CAP2: variants seen among roughly 807,000 people sequenced by gnomAD.
CAP2 encodes adenylyl cyclase-associated protein 2.
A neutral mutation model predicts 57.7 loss-of-function variants in CAP2; 24 were observed. The ratio of observed to expected loss-of-function variants is 0.42; its 90% CI spans 0.30 to 0.58. CAP2 has a LOEUF of 0.58. Ranked by LOEUF, CAP2 falls within the 20% of genes least tolerant of loss-of-function variation. The probability of loss-of-function intolerance (pLI) is 0.22; values close to 1 mark genes in which losing one functional copy is unlikely to be tolerated. For synonymous variants in CAP2, 194 were observed against 207.2 expected (o/e 0.94, Z 0.55); for missense variants, 501 against 590.3 (o/e 0.85, Z 1.57).
chr6:17,471,293 T>C (rs1258089103), intron 4 of CAP2, among the ~76,000 whole-genome samples: 1 of 152,248 alleles, frequency 6.6e-6, no homozygotes, highest in Non-Finnish European at 1.5e-5. Flanking sequence ...TGCTAAGTTC[T>C]GTTGTCAAGG....
chr6:17,510,680 A>G (rs1031668089), intron 6 of CAP2, among the ~76,000 whole-genome samples: 2 of 152,226 alleles, frequency 1.3e-5, no homozygotes, highest in African/African-American at 4.8e-5. Context: ...TAAAAATAAC[A>G]TTTCAGAAAA....
intron 12 of CAP2, among the ~76,000 whole-genome samples, chr6:17,551,940 A>G (rs1005628436): frequency 1.4e-4 from 21 of 152,214 alleles, no homozygotes; most frequent in African/African-American, 4.3e-4. Flanking sequence ...AGAAGGAGAA[A>G]TAAATACTTA....
At chr6:17,491,912 T>G in intron 4 of CAP2, among the ~76,000 whole-genome samples, 1 of 152,226 alleles carries the variant, frequency 6.6e-6, no homozygotes, top group East Asian at 1.9e-4. Flanking sequence ...AAGATGATAG[T>G]CATCCCACAG....
rs140322142 is a variant in CAP2, at chr6:17,517,603, T to A, written c.636+3649T>A. On this transcript the variant is annotated intron_variant, in intron 7 of 12. Coordinates refer to ENST00000229922, the MANE Select transcript of CAP2 (RefSeq NM_006366.3). ...CACTAGTGAGTCATATCTCACATTT[T>A]TTAAAATGTGTTATAAGCTAGGTGT... Among the ~76,000 whole-genome samples, 744 of 152,292 alleles carry A rather than the reference T, an allele frequency of 4.9e-3. 7 individuals are homozygous for A. Among genetic ancestry groups the A allele is most frequent in the African/African-American group, 0.017 (690 of 41,544 alleles).
At chr6:17,476,231 A>G (rs1166314629) in intron 4 of CAP2, among the ~76,000 whole-genome samples, 1 of 152,216 alleles carries the variant, frequency 6.6e-6, no homozygotes, top group African/African-American at 2.4e-5. Context: ...TACAGTGTTT[A>G]CGTTGATTAT....
At chr6:17,411,884 G>A (rs1759149788) in intron 1 of CAP2, among the ~76,000 whole-genome samples, 2 of 152,262 alleles carry the variant, frequency 1.3e-5, no homozygotes, top group South Asian at 4.2e-4. Context: ...GCAACGTGGG[G>A]ACACAGAAAT....
intron 4 of CAP2, among the ~76,000 whole-genome samples, chr6:17,490,624 G>A (rs954555775): frequency 2.0e-5 from 3 of 152,232 alleles, no homozygotes; most frequent in Non-Finnish European, 4.4e-5. Context: ...GCCTTTGCGG[G>A]CAGAGGTCCT....
chr6:17,448,435 T>C (rs1426011254), intron 3 of CAP2, among the ~76,000 whole-genome samples: 1 of 152,266 alleles, frequency 6.6e-6, no homozygotes, highest in Admixed American at 6.5e-5. Context: ...TGCAGTTTAT[T>C]CAGGAGAATG....
At chr6:17,528,997 C>CGAGG (rs1762572203) in intron 7 of CAP2, among the ~76,000 whole-genome samples, 1 of 152,004 alleles carries the variant, frequency 6.6e-6, no homozygotes, top group African/African-American at 2.4e-5. Flanking sequence ...AGGAGGATCA[C>CGAGG]TTAAGCCCAG....
chr6:17,537,448 G>A (rs1019976986), intron 7 of CAP2, among the ~76,000 whole-genome samples: 2 of 151,960 alleles, frequency 1.3e-5, no homozygotes, highest in Non-Finnish European at 2.9e-5. Context: ...TACCCTTCTC[G>A]GCTTCCCAAA....
At chr6:17,397,926 A>G (rs1176288149) in intron 1 of CAP2, among the ~76,000 whole-genome samples, 1 of 131,396 alleles carries the variant, frequency 7.6e-6, no homozygotes, top group East Asian at 2.1e-4. Context: ...TTTAATGGGA[A>G]AAAAAAAAAA....
chr6:17,531,386 G>A, intron 7 of CAP2: 3 of 1,594,026 alleles, frequency 1.9e-6, no homozygotes, highest in Non-Finnish European at 2.6e-6. Flanking sequence ...TTTGGGTTCT[G>A]CAGGTACATA....
chr6:17,507,360 G>A (rs755007806), intron 5 of CAP2, 48 bp downstream of exon 5: 2 of 1,592,534 alleles, frequency 1.3e-6, no homozygotes, highest in South Asian at 1.1e-5. Context: ...CACGTTTGGA[G>A]TATTTAGGAG....
intron 4 of CAP2, among the ~76,000 whole-genome samples, chr6:17,503,843 A>G (rs1561807604): frequency 1.3e-5 from 2 of 152,172 alleles, no homozygotes; most frequent in Non-Finnish European, 2.9e-5. Flanking sequence ...AGGTCTTTTC[A>G]CCAAATCCAT....
intron 4 of CAP2, among the ~76,000 whole-genome samples, chr6:17,499,398 CAAAAAA>C (rs71002217): frequency 1.4e-4 from 10 of 69,568 alleles, no homozygotes; most frequent in East Asian, 4.6e-4. Context: ...GACTCCATCT[CAAAAAA>C]AAAAAAAAAA....
Position 17,552,609 on chromosome 6 carries a change from G to A in CAP2, c.1350+1005G>A, listed in dbSNP as rs546605027. On this transcript the variant is annotated intron_variant, in intron 12 of 12. Transcript: ENST00000229922. Reference sequence around the variant, plus strand: ...ATTGTGCCATTGCATTCCAGCCGGGGCGACAGAGTGAGACTCAGTCACAAA... The same window carrying A: ...ATTGTGCCATTGCATTCCAGCCGGGACGACAGAGTGAGACTCAGTCACAAA... Among the ~76,000 whole-genome samples the A allele has an allele frequency of 2.3e-4, 35 of 152,304 alleles. No homozygotes were observed. The South Asian group carries it at 4.6e-3, about 20-fold the overall frequency.
intron 11 of CAP2, among the ~76,000 whole-genome samples, chr6:17,544,553 T>C (rs1762995541): frequency 6.6e-6 from 1 of 151,926 alleles, no homozygotes; most frequent in Non-Finnish European, 1.5e-5. Flanking sequence ...TCTTTTTTTT[T>C]TTTTGAGACA....
chr6:17,460,877 G>T (rs914911943), intron 3 of CAP2, among the ~76,000 whole-genome samples: 2 of 152,182 alleles, frequency 1.3e-5, no homozygotes, highest in African/African-American at 2.4e-5. Flanking sequence ...GCTGGGTGTG[G>T]TGGCTCATGC....
At chr6:17,506,841 AT>A (rs1761999445) in intron 4 of CAP2, among the ~76,000 whole-genome samples, 1 of 152,222 alleles carries the variant, frequency 6.6e-6, no homozygotes, top group East Asian at 1.9e-4. Flanking sequence ...CATTTGAAAT[AT>A]AAATGATCAA....
Sources: gnomAD v4.1 joint callset for allele counts (sites outside exome capture counted in the v4.1 genomes callset) on GRCh38, gnomAD v4.1.1 for gene constraint, MANE v1.5 for transcripts, NCBI Gene and HGNC (gene_info 2026-07-23, HGNC 2026-07-21) for gene names.